Variants in GPR19 observed in about 807,000 individuals in gnomAD.
GPR19 encodes the protein G protein-coupled receptor 19, also known as probable G protein-coupled receptor 19.
In GPR19, 14 loss-of-function variants were observed where a neutral mutation model predicts 28.5. The observed-to-expected ratio is 0.49, with a 90% CI of 0.32 to 0.77. GPR19 has a LOEUF of 0.77. GPR19 is among the 30% of genes least tolerant of loss of function. GPR19 has a pLI of 0.03. For missense variants in GPR19, 409 were observed against 504.1 expected (o/e 0.81, Z 1.81); for synonymous variants, 173 against 184.1 (o/e 0.94, Z 0.49).
the GPR19 span, among the ~76,000 whole-genome samples, chr12:12,714,143 G>T: frequency 4.6e-5 from 7 of 152,198 alleles, no homozygotes; most frequent in African/African-American, 1.7e-4. Flanking sequence ...TTAATAGAAG[G>T]TGCTCCGTAA....
chr12:12,668,782 A>G (rs1430788305), intron 3 of GPR19, among the ~76,000 whole-genome samples: 1 of 152,160 alleles, frequency 6.6e-6, no homozygotes, highest in African/African-American at 2.4e-5. Flanking sequence ...TACAATCATG[A>G]CAGTAGTTAT....
intron 3 of GPR19, among the ~76,000 whole-genome samples, chr12:12,674,274 C>CAA (rs11423009): frequency 0.39 from 40,095 of 103,500 alleles, 8,357 homozygotes; most frequent in East Asian, 0.5. Flanking sequence ...CTATCTCTAC[C>CAA]AAAAAAAAAA....
chr12:12,711,350 A>G, the GPR19 span, among the ~76,000 whole-genome samples: 1 of 151,712 alleles, frequency 6.6e-6, no homozygotes, highest in Non-Finnish European at 1.5e-5. Flanking sequence ...AAATCAGGTC[A>G]GGGACCCAAG....
At chr12:12,685,286 GGGGA>G (rs1468342479) in intron 2 of GPR19, among the ~76,000 whole-genome samples, 1 of 150,490 alleles carries the variant, frequency 6.6e-6, no homozygotes, top group Non-Finnish European at 1.5e-5. Flanking sequence ...TTTTGGTGGG[GGGGA>G]GGGAGATTCC....
At chr12:12,685,320 T>C (rs1946079949) in intron 2 of GPR19, among the ~76,000 whole-genome samples, 1 of 150,430 alleles carries the variant, frequency 6.6e-6, no homozygotes, top group Non-Finnish European at 1.5e-5. Context: ...GTTTACTGCA[T>C]GCCCAAATAT....
intron 3 of GPR19, among the ~76,000 whole-genome samples, chr12:12,681,465 T>G (rs1295836317): frequency 6.6e-6 from 1 of 152,182 alleles, no homozygotes; most frequent in African/African-American, 2.4e-5. Flanking sequence ...CTCTGTTCTA[T>G]CCTCCCATTT....
Position 12,662,415 on chromosome 12 carries a change from G to A in GPR19, c.34C>T (p.Pro12Ser). The change falls in exon 4 of 4, where the codon CCA becomes TCA. Residue 12 changes from proline to serine, a missense_variant. Pro to Ser is a moderately conservative substitution (Grantham distance 74). Coordinates refer to ENST00000651487, the MANE Select transcript of GPR19 (RefSeq NM_006143.3). ...AGAAGTGTAGGAATAATCAAATGTGGCTTGCTGTTATCCATTCTGTGAGCA... is the reference window on the plus strand; with the variant it reads ...AGAAGTGTAGGAATAATCAAATGTGACTTGCTGTTATCCATTCTGTGAGCA... The part of the protein sequence containing the change: ...VFAHRMDNSK[P>S]HLIIPTLLVP... The A allele has an allele frequency of 6.2e-7, 1 of 1,614,088 alleles. No individual in the cohort carries two copies. Among genetic ancestry groups the A allele is most frequent in the Non-Finnish European group, 8.5e-7 (1 of 1,180,006 alleles).
intron 3 of GPR19, among the ~76,000 whole-genome samples, chr12:12,670,138 G>A (rs953351174): frequency 6.6e-6 from 1 of 152,234 alleles, no homozygotes; most frequent in African/African-American, 2.4e-5. Flanking sequence ...GGTGAGACAT[G>A]TTCTTACAAT....
chr12:12,661,895 G>T lies in GPR19; in HGVS notation c.554C>A (p.Ala185Glu). The T allele has an allele frequency of 6.2e-7, 1 of 1,614,184 alleles. No homozygotes were observed. The change falls in exon 4 of 4, where the codon GCG becomes GAG. Residue 185 changes from alanine (A) to glutamate (E), a missense_variant. By Grantham distance (107) the Ala-to-Glu change is moderately radical. Coordinates refer to ENST00000651487, the MANE Select transcript of GPR19 (RefSeq NM_006143.3). This position sits in a 1 kb window ranked among gnomAD's most constrained non-coding sequence, Gnocchi z 4.2. ...VSREKAKKMI[A>E]ASWVFDAGFV... ...GCCTGCATCAAAGACCCACGATGCC[G>T]CAATCATTTTCTTGGCTTTTTCTCT... is the stretch of plus-strand genomic sequence containing the variant.
chr12:12,708,923 T>C, the GPR19 span, among the ~76,000 whole-genome samples: 1 of 152,122 alleles, frequency 6.6e-6, no homozygotes, highest in Non-Finnish European at 1.5e-5. Context: ...GGCACACACC[T>C]GTAATCCCAG....
upstream of GPR19, among the ~76,000 whole-genome samples, chr12:12,700,229 C>G (rs2136342900): frequency 6.6e-6 from 1 of 150,908 alleles, no homozygotes; most frequent in Non-Finnish European, 1.5e-5. Context: ...ACTCTGTTGC[C>G]CAGGTTGGAG....
At chr12:12,690,147 A>T (rs1279633363) in intron 2 of GPR19, among the ~76,000 whole-genome samples, 1 of 152,232 alleles carries the variant, frequency 6.6e-6, no homozygotes, top group Non-Finnish European at 1.5e-5. Context: ...TTATTCTTCC[A>T]AGATATTAAA....
the GPR19 span, among the ~76,000 whole-genome samples, chr12:12,705,582 G>T: frequency 6.6e-6 from 1 of 151,126 alleles, no homozygotes; most frequent in East Asian, 1.9e-4. Context: ...ATCTCGCTCT[G>T]TTGCCCAGGC....
rs1440549499 is a variant in GPR19 at position 12,662,911 on chromosome 12, G to A, written c.-22-441C>T. The stretch of plus-strand genomic sequence containing the variant: ...AAGGTTGCAAAAGAGGAAAGCTTGG[G>A]CAGATGAAAACACACAGATTTTGAC... On this transcript the variant is annotated intron_variant, in intron 3 of 3. Coordinates refer to ENST00000651487, the MANE Select transcript of GPR19 (RefSeq NM_006143.3). Among the ~76,000 whole-genome samples the A allele has an allele frequency of 2.6e-5, 4 of 152,246 alleles. No individual in the cohort carries two copies. The East Asian group carries it at 5.8e-4, about 22-fold the overall frequency.
chr12:12,698,168 T>C (rs1373913110), upstream of GPR19, among the ~76,000 whole-genome samples: 4 of 152,216 alleles, frequency 2.6e-5, no homozygotes, highest in East Asian at 7.7e-4. Flanking sequence ...CTAGTTCATT[T>C]ACATGTGATG....
chr12:12,713,313 C>T, the GPR19 span, among the ~76,000 whole-genome samples: 1 of 152,004 alleles, frequency 6.6e-6, no homozygotes, highest in African/African-American at 2.4e-5. Context: ...GATCCACCCA[C>T]CTTGGCCTTC....
chr12:12,662,682 C>A (rs1945697950), intron 3 of GPR19, among the ~76,000 whole-genome samples: 2 of 152,350 alleles, frequency 1.3e-5, no homozygotes, highest in South Asian at 4.1e-4. Flanking sequence ...TTCAGCAGAT[C>A]TCAGCTCAGG....
In GPR19 at chr12:12,691,910, A is replaced by G. The variant is rs184907123; in HGVS notation, c.-180+3549T>C. On this transcript the variant is annotated intron_variant, in intron 2 of 3. Transcript: ENST00000651487. ...TGGTCATTTTTAGTTAAGAGATGTT[A>G]ATAACTAAAATATCCAGTCCTATAT... 2.3e-3 allele frequency among the ~76,000 whole-genome samples: 351 copies of G among 152,346 alleles called. 1 individual carries two copies. The highest frequency in any genetic ancestry group is 4.3e-3 in the Non-Finnish European group (291 of 68,040).
chr12:12,670,647 T>TA (rs1396408139), intron 3 of GPR19, among the ~76,000 whole-genome samples: 3,351 of 152,300 alleles, frequency 0.022, 134 homozygotes, highest in African/African-American at 0.075. Context: ...AAACACCTAG[T>TA]TCTGTGTCTG....
Sources: allele counts gnomAD v4.1 joint callset (sites outside exome capture counted in the v4.1 genomes callset), GRCh38; gene constraint gnomAD v4.1.1; non-coding constraint Gnocchi (gnomAD v3.1); transcripts MANE v1.5; gene names NCBI Gene and HGNC (gene_info 2026-07-23, HGNC 2026-07-21).